Variants in MXI1 observed in about 807,000 individuals in gnomAD.
MXI1 encodes MAX interactor 1, dimerization protein, also known as max-interacting protein 1.
In MXI1, 18 loss-of-function variants were observed where a neutral mutation model predicts 36.9. The ratio of observed to expected loss-of-function variants is 0.49; its 90% CI spans 0.34 to 0.72. The LOEUF (loss-of-function observed/expected upper bound fraction) is 0.72. Among genes scored for constraint, MXI1 ranks in the 30% least tolerant of loss-of-function variants. The pLI is 0.01. For missense variants in MXI1, 304 were observed against 379.1 expected (o/e 0.80, Z 1.64); for synonymous variants, 160 against 146.7 (o/e 1.09, Z -0.65).
intron 1 of MXI1, 172 bp from the exon 2 acceptor site, chr10:110,228,017 C>A: frequency 1.5e-6 from 1 of 667,672 alleles, no homozygotes; most frequent in Non-Finnish European, 2.5e-6. Context: ...TGGGGTGTCA[C>A]AGGATTGATG....
intron 1 of MXI1, among the ~76,000 whole-genome samples, chr10:110,224,431 G>T (rs1175268056): frequency 6.6e-6 from 1 of 152,126 alleles, no homozygotes; most frequent in African/African-American, 2.4e-5. Context: ...GAGGGGTGGT[G>T]GTGTGCTACT....
intron 1 of MXI1, among the ~76,000 whole-genome samples, chr10:110,218,838 C>T (rs1219373180): frequency 6.6e-6 from 1 of 152,218 alleles, no homozygotes; most frequent in Admixed American, 6.5e-5. Flanking sequence ...GAGCCAAGGG[C>T]TTCTGCCAGG....
At chr10:110,212,982 C>T (rs1239722832) in intron 1 of MXI1, among the ~76,000 whole-genome samples, 7 of 152,134 alleles carry the variant, frequency 4.6e-5, no homozygotes, top group African/African-American at 1.7e-4. Context: ...AGTAGTAGAT[C>T]CTTAATATAA....
chr10:110,274,313 C>G (rs576146571), intron 3 of MXI1, among the ~76,000 whole-genome samples: 1 of 152,076 alleles, frequency 6.6e-6, no homozygotes, highest in Admixed American at 6.5e-5. Context: ...TGGGAATTAC[C>G]TTTTCCCCTG....
At chr10:110,258,709 T>C (rs987599239) in intron 3 of MXI1, among the ~76,000 whole-genome samples, 2 of 152,144 alleles carry the variant, frequency 1.3e-5, no homozygotes, top group African/African-American at 2.4e-5. Flanking sequence ...GATGAAGTAA[T>C]GTGCAGGTTT....
chr10:110,278,829 C>T (rs1857136907), intron 3 of MXI1, among the ~76,000 whole-genome samples: 2 of 152,186 alleles, frequency 1.3e-5, no homozygotes, highest in South Asian at 4.2e-4. Flanking sequence ...CCTCTCCTCT[C>T]GCCTGTGGTT....
At chr10:110,273,264 G>T (rs948926623) in intron 3 of MXI1, among the ~76,000 whole-genome samples, 2 of 151,642 alleles carry the variant, frequency 1.3e-5, no homozygotes, top group African/African-American at 2.4e-5. Context: ...AGCCACAATG[G>T]TCTCGATCTC....
intron 1 of MXI1, among the ~76,000 whole-genome samples, chr10:110,214,693 G>C (rs1854586878): frequency 1.4e-5 from 2 of 139,240 alleles, no homozygotes; most frequent in African/African-American, 5.4e-5. Context: ...GATTTAAACT[G>C]GGTTTCTGGA....
chr10:110,273,742 AC>A (rs1856936798), intron 3 of MXI1, among the ~76,000 whole-genome samples: 1 of 152,160 alleles, frequency 6.6e-6, no homozygotes. Flanking sequence ...TGTCTCCATC[AC>A]TTGACTTGCT....
chr10:110,276,818 G>C (rs1207669168), intron 3 of MXI1, among the ~76,000 whole-genome samples: 1 of 150,320 alleles, frequency 6.7e-6, no homozygotes. Context: ...GAATCATTTT[G>C]ATTTTCCTTT....
At chr10:110,259,086 T>C (rs536272293) in intron 3 of MXI1, among the ~76,000 whole-genome samples, 10 of 152,124 alleles carry the variant, frequency 6.6e-5, no homozygotes, top group South Asian at 2.1e-4. Context: ...AAATTTTGTA[T>C]AGAAATAAAC....
Position 110,285,504 on chromosome 10 carries a change from G to T in MXI1, c.*517G>T, listed in dbSNP as rs995947551. ...CCTGGGACAGTTTATCATGAAGCCT[G>T]TGGATGATCAATCCTTTATTATTAT... On this transcript the variant is annotated 3_prime_UTR_variant, in exon 6 of 6. Coordinates refer to ENST00000332674, the MANE Select transcript of MXI1 (RefSeq NM_130439.3). 4 of 151,332 alleles carry T rather than the reference G, an allele frequency of 2.6e-5. No individual in the cohort carries two copies. The highest frequency in any genetic ancestry group is 1.3e-4 in the Admixed American group (2 of 15,080). 9.4% of individuals were successfully genotyped at this position (151,332 alleles called of 1,614,324 possible).
chr10:110,238,311 A>C lies in MXI1; in HGVS notation c.408-6517A>C, dbSNP rs1320577957. 3.9e-5 allele frequency among the ~76,000 whole-genome samples: 6 copies of C among 152,306 alleles called. No homozygotes were observed. The South Asian group carries it at 1.0e-3, about 26-fold the overall frequency. On this transcript the variant is annotated intron_variant, in intron 2 of 5. Transcript: ENST00000332674. ...ATGTGACCATCCCCTATCCTGAGTT[A>C]TCTCTCCTTGGCATAAACTCAGGTG...
chr10:110,208,188 A>G lies in MXI1; in HGVS notation c.274+106A>G, dbSNP rs1045172665. On this transcript the variant is annotated intron_variant, in intron 1 of 5. Coordinates refer to ENST00000332674, the MANE Select transcript of MXI1 (RefSeq NM_130439.3). ...GGCCCGTCCCCCCCCCGCCCAACATACACATCCAGCCCTTGGCAGTAAAGC... is the reference window on the plus strand; with the variant it reads ...GGCCCGTCCCCCCCCCGCCCAACATGCACATCCAGCCCTTGGCAGTAAAGC... 27 of 1,209,518 alleles carry G rather than the reference A, an allele frequency of 2.2e-5. No homozygotes were observed. The Admixed American group carries it at 7.5e-4, about 33-fold the overall frequency. 74.9% of individuals were successfully genotyped at this position (1,209,518 alleles called of 1,614,324 possible).
chr10:110,281,468 A>G (rs969109897), intron 5 of MXI1, among the ~76,000 whole-genome samples: 13 of 152,162 alleles, frequency 8.5e-5, no homozygotes, highest in Non-Finnish European at 5.9e-5. Flanking sequence ...CAAAGGCCAC[A>G]TTGCATTTGT....
intron 3 of MXI1, among the ~76,000 whole-genome samples, chr10:110,271,425 C>CT (rs1250574731): frequency 2.0e-5 from 3 of 152,114 alleles, no homozygotes; most frequent in Non-Finnish European, 4.4e-5. Flanking sequence ...ACAGAAATGA[C>CT]TAAAAGTATG....
intron 1 of MXI1, among the ~76,000 whole-genome samples, chr10:110,218,387 T>G (rs1244977568): frequency 6.6e-6 from 1 of 150,698 alleles, no homozygotes; most frequent in Non-Finnish European, 1.5e-5. Context: ...GAGGCGGTGC[T>G]TGCAGTGAGC....
At chr10:110,251,572 A>G (rs1856089685) in intron 3 of MXI1, among the ~76,000 whole-genome samples, 2 of 152,136 alleles carry the variant, frequency 1.3e-5, no homozygotes, top group African/African-American at 4.8e-5. Context: ...ATCATTTTGA[A>G]AAAGAAATTG....
chr10:110,256,607 A>C (rs1856305231), intron 3 of MXI1, among the ~76,000 whole-genome samples: 1 of 104,998 alleles, frequency 9.5e-6, no homozygotes, highest in Non-Finnish European at 2.0e-5. Context: ...TGTCTCAAAA[A>C]AAAAAAAAAA....
Sources: gnomAD v4.1 joint callset for allele counts (sites outside exome capture counted in the v4.1 genomes callset) on GRCh38, gnomAD v4.1.1 for gene constraint, MANE v1.5 for transcripts, NCBI Gene and HGNC (gene_info 2026-07-23, HGNC 2026-07-21) for gene names.